Variants in MTMR9 observed in about 807,000 individuals in gnomAD.
MTMR9 encodes the protein myotubularin-related protein 9.
A neutral mutation model predicts 69.5 loss-of-function variants in MTMR9; 39 were observed. The ratio of observed to expected loss-of-function variants is 0.56; its 90% confidence interval spans 0.43 to 0.73. The LOEUF is 0.73. Among genes scored for constraint, MTMR9 ranks in the 30% least tolerant of loss-of-function variants. The probability of loss-of-function intolerance (pLI) is 0.00; values close to 1 mark genes in which losing one functional copy is unlikely to be tolerated. For missense variants in MTMR9, 900 were observed against 671.2 expected (o/e 1.34, Z -3.77); for synonymous variants, 354 against 240.8 (o/e 1.47, Z -4.35).
At chr8:11,332,102 G>T, downstream of MTMR9, 1 of 1,611,920 alleles carries the variant, frequency 6.2e-7, no homozygotes, top group East Asian at 2.2e-5. Context: ...GCTGTGAGAG[G>T]ACAGGGAAGG....
downstream of MTMR9, among the ~76,000 whole-genome samples, chr8:11,329,471 G>A (rs373443137): frequency 0.024 from 3,605 of 152,298 alleles, 58 homozygotes; most frequent in Middle Eastern, 0.071. Flanking sequence ...GCGCCGCCAC[G>A]CCTGACTGGT....
intron 6 of MTMR9, among the ~76,000 whole-genome samples, chr8:11,310,632 C>T (rs958287818): frequency 1.8e-4 from 28 of 152,250 alleles, no homozygotes; most frequent in Non-Finnish European, 3.7e-4. Context: ...ACCTAATAAA[C>T]TGTGGGAATT....
At chr8:11,304,054 T>TG (rs1799845955) in intron 3 of MTMR9, among the ~76,000 whole-genome samples, 1 of 135,952 alleles carries the variant, frequency 7.4e-6, no homozygotes. Flanking sequence ...TATAATTTGA[T>TG]TTTTTTTTTT....
At chr8:11,310,517 C>T (rs576881012) in intron 6 of MTMR9, among the ~76,000 whole-genome samples, 1 of 152,234 alleles carries the variant, frequency 6.6e-6, no homozygotes, top group East Asian at 1.9e-4. Flanking sequence ...TTGCTGAAAT[C>T]ATGTGGTAAG....
At chr8:11,322,092 G>C (rs1429857997) in intron 9 of MTMR9, among the ~76,000 whole-genome samples, 1 of 152,166 alleles carries the variant, frequency 6.6e-6, no homozygotes, top group Non-Finnish European at 1.5e-5. Flanking sequence ...AGAATTGAAA[G>C]ATTGCCTCTC....
chr8:11,306,854 G>A (rs964595179), intron 5 of MTMR9, among the ~76,000 whole-genome samples: 5 of 152,084 alleles, frequency 3.3e-5, no homozygotes, highest in Non-Finnish European at 7.4e-5. Flanking sequence ...CCATATCTGT[G>A]TCCCTCCTAC....
At chr8:11,285,966 TTTTTG>T (rs1054666808) in intron 1 of MTMR9, among the ~76,000 whole-genome samples, 8 of 144,802 alleles carry the variant, frequency 5.5e-5, no homozygotes, top group African/African-American at 1.3e-4. Flanking sequence ...TTTTTTTTTT[TTTTTG>T]GAGACGAAAT....
At chr8:11,298,077 C>T (rs1461684101) in intron 2 of MTMR9, 8 of 368,138 alleles carry the variant, frequency 2.2e-5, no homozygotes, top group Admixed American at 2.2e-4. Context: ...GGCAAGTGCT[C>T]AGTTATCTAA....
At chr8:11,331,386 C>G (rs558503339), downstream of MTMR9, 41 of 1,613,964 alleles carry the variant, frequency 2.5e-5, 1 homozygote, top group East Asian at 7.8e-4. Flanking sequence ...TGGCGACCCC[C>G]TTCTGGGACC....
intron 9 of MTMR9, among the ~76,000 whole-genome samples, chr8:11,322,165 T>TA (rs1471582185): frequency 1.3e-5 from 2 of 152,192 alleles, no homozygotes; most frequent in African/African-American, 4.8e-5. Flanking sequence ...AATAACAACA[T>TA]ATGTGGTTCT....
At chr8:11,337,862 C>G in the MTMR9 span, among the ~76,000 whole-genome samples, 1 of 152,176 alleles carries the variant, frequency 6.6e-6, no homozygotes, top group African/African-American at 2.4e-5. Flanking sequence ...GAGGTTGAGT[C>G]TTCACAAGAT....
At position 11,322,755 on chromosome 8, in the gene MTMR9, G is replaced by A; in HGVS notation, c.1617G>A (p.Leu539=). Reference sequence around the variant, plus strand: ...TCCTTCGAAGGCAGTTGGCAGAACTGGAAACAGAGGACGGGATGCAGGAGA... The same window carrying A: ...TCCTTCGAAGGCAGTTGGCAGAACTAGAAACAGAGGACGGGATGCAGGAGA... ...VNILRRQLAE[L]ETEDGMQESP The change falls in exon 10 of 10, where the codon CTG becomes CTA. Residue 539 remains leucine, a synonymous_variant. Coordinates refer to ENST00000221086, the MANE Select transcript of MTMR9 (RefSeq NM_015458.4). 6.2e-7 allele frequency: 1 copy of A among 1,614,030 alleles called. No individual in the cohort carries two copies. Among genetic ancestry groups the A allele is most frequent in the Non-Finnish European group, 8.5e-7 (1 of 1,179,964 alleles).
intron 9 of MTMR9, 115 bp from the exon 10 acceptor site, chr8:11,322,509 TG>T: frequency 1.2e-6 from 1 of 804,068 alleles, no homozygotes; most frequent in Non-Finnish European, 2.0e-6. Context: ...ATGTGAGTTG[TG>T]GCAACAAAAG....
intron 9 of MTMR9, chr8:11,320,160 G>A (rs924213722): frequency 2.7e-5 from 6 of 222,014 alleles, no homozygotes; most frequent in African/African-American, 1.4e-4. Flanking sequence ...TAAATTGTAA[G>A]CTCATCAGGG....
chr8:11,288,896 G>C (rs1219474909), intron 1 of MTMR9, among the ~76,000 whole-genome samples: 8 of 152,218 alleles, frequency 5.3e-5, no homozygotes, highest in African/African-American at 1.9e-4. Context: ...TGGTAGGCCG[G>C]GCACGGTGGC....
At chr8:11,286,731 T>A (rs1023250328) in intron 1 of MTMR9, among the ~76,000 whole-genome samples, 9 of 149,592 alleles carry the variant, frequency 6.0e-5, no homozygotes, top group Non-Finnish European at 8.9e-5. Context: ...AACCCCTCAG[T>A]CATTCATGGC....
At chr8:11,330,119 C>T (rs573801394), downstream of MTMR9, among the ~76,000 whole-genome samples, 8 of 151,416 alleles carry the variant, frequency 5.3e-5, no homozygotes, top group East Asian at 2.0e-4. Context: ...GGTCAGCCCC[C>T]GCCCGGCCAG....
chr8:11,293,811 G>C (rs1012421552), intron 1 of MTMR9, among the ~76,000 whole-genome samples: 1 of 149,700 alleles, frequency 6.7e-6, no homozygotes, highest in Non-Finnish European at 1.5e-5. Context: ...TTGTTGAAAA[G>C]ACTGACCTGT....
In MTMR9 at chr8:11,326,130, A is replaced by G. The variant is rs555934981; in HGVS notation, c.*3342A>G. On this transcript the variant is annotated 3_prime_UTR_variant, in exon 10 of 10. Coordinates refer to ENST00000221086, the MANE Select transcript of MTMR9 (RefSeq NM_015458.4). ...GATATGACCATAATTTAGTCTCCTC[A>G]AGTGAAAAACAGGAGTAATGTTTCG... 2.0e-5 allele frequency: 3 copies of G among 152,338 alleles called. No individual in the cohort carries two copies. Among genetic ancestry groups the G allele is most frequent in the Admixed American group, 1.3e-4 (2 of 15,304 alleles). The allele number at this position is 152,338 out of a possible 1,614,324, so 9.4% of individuals were successfully genotyped here. A position where few individuals can be genotyped will look rare whatever the true frequency, so the allele number is the denominator to read the frequency against.
Sources: gnomAD v4.1 joint callset for allele counts (sites outside exome capture counted in the v4.1 genomes callset) on GRCh38, gnomAD v4.1.1 for gene constraint, MANE v1.5 for transcripts, NCBI Gene and HGNC (gene_info 2026-07-23, HGNC 2026-07-21) for gene names.